The following NCK2 variants were observed in gnomAD, a reference collection of about 807,000 sequenced individuals.
NCK2 encodes the protein cytoplasmic protein NCK2.
A neutral mutation model predicts 33.9 loss-of-function variants in NCK2; 16 were observed. The ratio of observed to expected loss-of-function variants is 0.47; its 90% CI spans 0.32 to 0.72. NCK2 has a LOEUF of 0.72. Among genes scored for constraint, NCK2 ranks in the 30% least tolerant of loss-of-function variants. The pLI, the probability that NCK2 is intolerant of heterozygous loss-of-function variation, is 0.03. For synonymous variants in NCK2, 273 were observed against 239.9 expected, an observed-to-expected ratio of 1.14 and a Z score of -1.27; for missense variants, 418 against 537.3, an observed-to-expected ratio of 0.78 and a Z score of 2.19.
At chr2:105,747,632 T>C (rs1204058606) in intron 1 of NCK2, among the ~76,000 whole-genome samples, 2 of 152,226 alleles carry the variant, frequency 1.3e-5, no homozygotes, top group South Asian at 2.1e-4. Flanking sequence ...ACAAGTAAGC[T>C]AACTTTTTTC....
At chr2:105,885,287 T>C (rs1678678966) in intron 4 of NCK2, among the ~76,000 whole-genome samples, 1 of 152,236 alleles carries the variant, frequency 6.6e-6, no homozygotes, top group Non-Finnish European at 1.5e-5. Flanking sequence ...GATACTAATA[T>C]TTTTTGTCAT....
chr2:105,884,516 T>A (rs1224519488), intron 4 of NCK2, among the ~76,000 whole-genome samples: 1 of 152,250 alleles, frequency 6.6e-6, no homozygotes, highest in East Asian at 1.9e-4. Flanking sequence ...GCCTGGCTTC[T>A]GGATAAGCAC....
chr2:105,809,449 ATGCCTTCTTGC>A (rs1675209715), intron 1 of NCK2, among the ~76,000 whole-genome samples: 1 of 152,186 alleles, frequency 6.6e-6, no homozygotes, highest in South Asian at 2.1e-4. Flanking sequence ...TTGCAGACAG[ATGCCTTCTTGC>A]TGTGTCTTCA....
chr2:105,765,785 G>GT (rs58744207), intron 1 of NCK2, among the ~76,000 whole-genome samples: 11,345 of 137,368 alleles, frequency 0.083, 448 homozygotes, highest in African/African-American at 0.12. Context: ...TTAGAATAGG[G>GT]GGTGTGTGTG....
At chr2:105,854,899 C>A (rs1677198594) in intron 2 of NCK2, 149 bp from the exon 3 acceptor site, 1 of 595,504 alleles carries the variant, frequency 1.7e-6, no homozygotes. Context: ...GAAAGAAGGT[C>A]ATTTTAAAGT....
At chr2:105,750,805 A>G (rs1689431555) in intron 1 of NCK2, among the ~76,000 whole-genome samples, 1 of 152,214 alleles carries the variant, frequency 6.6e-6, no homozygotes, top group African/African-American at 2.4e-5. Flanking sequence ...AGTGATATGC[A>G]AAGGAAAGTT....
At chr2:105,778,613 C>G (rs1278582774) in intron 1 of NCK2, among the ~76,000 whole-genome samples, 1 of 152,242 alleles carries the variant, frequency 6.6e-6, no homozygotes, top group Non-Finnish European at 1.5e-5. Flanking sequence ...AAAGGTGCCC[C>G]TATTAACTGG....
intron 1 of NCK2, among the ~76,000 whole-genome samples, chr2:105,777,726 T>C (rs1293391543): frequency 6.6e-6 from 1 of 151,934 alleles, no homozygotes; most frequent in Non-Finnish European, 1.5e-5. Flanking sequence ...TGTGGTTCTC[T>C]GGTGCATATG....
At chr2:105,872,928 C>T (rs908394184) in intron 3 of NCK2, among the ~76,000 whole-genome samples, 1 of 152,208 alleles carries the variant, frequency 6.6e-6, no homozygotes, top group African/African-American at 2.4e-5. Context: ...ATGCCCTTCC[C>T]GGAAGTGGAC....
intron 1 of NCK2, among the ~76,000 whole-genome samples, chr2:105,768,549 G>C (rs1342252242): frequency 1.3e-5 from 2 of 152,230 alleles, no homozygotes; most frequent in Non-Finnish European, 2.9e-5. Flanking sequence ...ACAGAACTCA[G>C]AAAGGCACTT....
At chr2:105,759,863 T>G (rs1689711997) in intron 1 of NCK2, among the ~76,000 whole-genome samples, 1 of 152,170 alleles carries the variant, frequency 6.6e-6, no homozygotes, top group Non-Finnish European at 1.5e-5. Context: ...TTGTCAGATG[T>G]TTTTTCATGA....
At chr2:105,819,348 A>G (rs1675636674) in intron 2 of NCK2, among the ~76,000 whole-genome samples, 1 of 150,926 alleles carries the variant, frequency 6.6e-6, no homozygotes, top group Non-Finnish European at 1.5e-5. Context: ...AAAAAAAGTC[A>G]TTGGGGTAGA....
At chr2:105,779,622 A>G (rs902251092) in intron 1 of NCK2, among the ~76,000 whole-genome samples, 2 of 152,108 alleles carry the variant, frequency 1.3e-5, no homozygotes, top group African/African-American at 2.4e-5. Flanking sequence ...TTGTGGGCAG[A>G]TGGAAAGGAG....
rs1374068662 is a variant in NCK2, at chr2:105,894,251, A to AT, written c.*1076dup. On this transcript the variant is annotated 3_prime_UTR_variant, in exon 5 of 5. Coordinates refer to ENST00000233154, the MANE Select transcript of NCK2 (RefSeq NM_003581.5). Reference sequence around the variant, plus strand: ...CATACCCAGTTTTTTGGATATTGTAATAAAAAAAAGTATTATGACAAGGCT... The same window carrying AT: ...CATACCCAGTTTTTTGGATATTGTAATTAAAAAAAAGTATTATGACAAGGCT... 2 of 152,686 alleles carry AT rather than the reference A, an allele frequency of 1.3e-5. No individual in the cohort carries two copies. Among genetic ancestry groups the AT allele is most frequent in the Non-Finnish European group, 1.5e-5 (1 of 68,016 alleles). 9.5% of individuals were successfully genotyped at this position (152,686 alleles called of 1,614,324 possible).
At chr2:105,815,924 A>G (rs7599123) in intron 1 of NCK2, among the ~76,000 whole-genome samples, 128,241 of 152,170 alleles carry the variant, frequency 0.84, 54,117 homozygotes, top group Middle Eastern at 0.88. Flanking sequence ...AGTCTGGAAG[A>G]GACTGGGAGC....
In NCK2 at chr2:105,892,993, C is replaced by A; in HGVS notation, c.960C>A (p.Phe320Leu). 6.2e-7 allele frequency: 1 copy of A among 1,609,262 alleles called. No homozygotes were observed. Among genetic ancestry groups the A allele is most frequent in the Non-Finnish European group, 8.5e-7 (1 of 1,175,916 alleles). The change falls in exon 5 of 5, where the codon TTC becomes TTA. Residue 320 changes from phenylalanine (F) to leucine (L), a missense_variant. Coordinates refer to ENST00000233154, the MANE Select transcript of NCK2 (RefSeq NM_003581.5). ...TGTTTCCTCCCCAGCCCAGCGACTTCTCCGTGTCCCTTAAAGCGTCAGGGA... is the reference window on the plus strand; with the variant it reads ...TGTTTCCTCCCCAGCCCAGCGACTTATCCGTGTCCCTTAAAGCGTCAGGGA... Reference protein sequence around the residue: ...IRDSESSPSDFSVSLKASGKN... With the variant: ...IRDSESSPSDLSVSLKASGKN...
At chr2:105,753,390 C>G (rs1689514925) in intron 1 of NCK2, among the ~76,000 whole-genome samples, 1 of 152,248 alleles carries the variant, frequency 6.6e-6, no homozygotes, top group Admixed American at 6.5e-5. Context: ...GGTGGTCCTC[C>G]ACCTGCCCAA....
At chr2:105,880,930 TG>T (rs1678445760) in intron 3 of NCK2, among the ~76,000 whole-genome samples, 2 of 137,278 alleles carry the variant, frequency 1.5e-5, no homozygotes, top group African/African-American at 5.3e-5. Flanking sequence ...GCACCACAGG[TG>T]GCTAATTTTT....
At position 105,861,875 on chromosome 2, in the gene NCK2, CTT is replaced by C. The variant is rs557952114; in HGVS notation, c.226+6587_226+6588del. Among the ~76,000 whole-genome samples, 431 of 151,440 alleles carry C rather than the reference CTT, an allele frequency of 2.8e-3. 2 individuals carry two copies. Among genetic ancestry groups the C allele is most frequent in the African/African-American group, 9.2e-3 (382 of 41,300 alleles). Reference sequence around the variant, plus strand: ...ACAAGAATCATGCTCAGCAATTTATCTTAAGATCAGACTGGCCTGGAATTCTT... The same window carrying C: ...ACAAGAATCATGCTCAGCAATTTATCAAGATCAGACTGGCCTGGAATTCTT... On this transcript the variant is annotated intron_variant, in intron 3 of 4. Transcript: ENST00000233154.
Sources: gnomAD v4.1 joint callset for allele counts (sites outside exome capture counted in the v4.1 genomes callset) on GRCh38, gnomAD v4.1.1 for gene constraint, MANE v1.5 for transcripts, NCBI Gene and HGNC (gene_info 2026-07-23, HGNC 2026-07-21) for gene names.